Variants in AFG1L observed in about 807,000 individuals in gnomAD.
The protein encoded by AFG1L is AFG1-like ATPase.
Under a neutral mutation model 62.2 loss-of-function variants are expected in AFG1L, and 53 were observed. The observed-to-expected ratio is 0.85, with a 90% CI of 0.68 to 1.07. AFG1L has a LOEUF of 1.07. Among genes scored for constraint, AFG1L ranks in the 50% least tolerant of loss-of-function variants. The pLI is 0.00. For missense variants in AFG1L, 555 were observed against 590.5 expected (o/e 0.94, Z 0.62); for synonymous variants, 228 against 210.3 (o/e 1.08, Z -0.73).
At chr6:108,424,884 G>T (rs1770745775) in intron 7 of AFG1L, among the ~76,000 whole-genome samples, 1 of 151,930 alleles carries the variant, frequency 6.6e-6, no homozygotes, top group African/African-American at 2.4e-5. Flanking sequence ...TTTGCCTTTT[G>T]TTTTCTTTAT....
intron 2 of AFG1L, among the ~76,000 whole-genome samples, chr6:108,326,252 T>C (rs1189821849): frequency 1.3e-5 from 2 of 152,126 alleles, no homozygotes; most frequent in Non-Finnish European, 1.5e-5. Context: ...TTTAATTTTT[T>C]TGTAGAGACA....
At chr6:108,363,349 T>C (rs532122728) in intron 5 of AFG1L, among the ~76,000 whole-genome samples, 2 of 152,142 alleles carry the variant, frequency 1.3e-5, no homozygotes, top group Non-Finnish European at 2.9e-5. Flanking sequence ...CCAATAGTTC[T>C]TTTTTCTGCT....
intron 8 of AFG1L, among the ~76,000 whole-genome samples, chr6:108,465,009 A>AGT (rs1772610606): frequency 6.6e-6 from 1 of 152,300 alleles, no homozygotes; most frequent in South Asian, 2.1e-4. Flanking sequence ...ATCCTTACTC[A>AGT]GTGTCTGTCT....
chr6:108,432,738 T>C (rs577928773), intron 7 of AFG1L, among the ~76,000 whole-genome samples: 1 of 152,206 alleles, frequency 6.6e-6, no homozygotes, highest in East Asian at 1.9e-4. Flanking sequence ...TCCTGGCCCA[T>C]TGGGATTACC....
chr6:108,304,542 G>A (rs931544045), intron 1 of AFG1L, among the ~76,000 whole-genome samples: 3 of 152,172 alleles, frequency 2.0e-5, no homozygotes, highest in African/African-American at 7.2e-5. Flanking sequence ...TGTGAACACA[G>A]TATTTAAATG....
chr6:108,493,657 G>A (rs1025150332), intron 10 of AFG1L, among the ~76,000 whole-genome samples: 1 of 152,168 alleles, frequency 6.6e-6, no homozygotes, highest in African/African-American at 2.4e-5. Context: ...TAATTAGCAA[G>A]GTATAGTCTG....
intron 8 of AFG1L, among the ~76,000 whole-genome samples, chr6:108,462,970 G>T (rs1772518266): frequency 6.6e-6 from 1 of 152,174 alleles, no homozygotes; most frequent in South Asian, 2.1e-4. Context: ...TTAGTTATTT[G>T]CTGTGTTCAT....
intron 5 of AFG1L, among the ~76,000 whole-genome samples, chr6:108,358,348 C>T (rs960532740): frequency 6.6e-6 from 1 of 152,132 alleles, no homozygotes; most frequent in African/African-American, 2.4e-5. Context: ...GTAAAATGAT[C>T]CGTAGTTTAC....
chr6:108,391,403 G>A (rs2114594550), intron 6 of AFG1L, among the ~76,000 whole-genome samples: 1 of 152,228 alleles, frequency 6.6e-6, no homozygotes, highest in East Asian at 1.9e-4. Flanking sequence ...ATTTTTTCAT[G>A]TTTGTTGGCC....
At position 108,505,893 on chromosome 6, in the gene AFG1L, A is replaced by G. The variant is rs114589340; in HGVS notation, c.1063-4319A>G. ...GTATCAGAAGGAGAAGAGAAAGGGA[A>G]TGGAGCAGAGGCAATATACATATGT... On this transcript the variant is annotated intron_variant, in intron 10 of 12. Transcript: ENST00000368977. 4.3e-4 allele frequency among the ~76,000 whole-genome samples: 66 copies of G among 152,298 alleles called. 1 individual carries two copies. The highest frequency in any genetic ancestry group is 1.5e-3 in the African/African-American group (63 of 41,568).
intron 2 of AFG1L, among the ~76,000 whole-genome samples, chr6:108,342,516 C>T (rs1031011584): frequency 9.2e-5 from 14 of 152,238 alleles, no homozygotes; most frequent in African/African-American, 3.1e-4. Flanking sequence ...GTAACCCTTC[C>T]TCTCCTTGAA....
intron 1 of AFG1L, among the ~76,000 whole-genome samples, chr6:108,317,024 C>T (rs1266450048): frequency 2.6e-5 from 4 of 152,068 alleles, no homozygotes; most frequent in African/African-American, 9.7e-5. Context: ...TTAAGTCTGT[C>T]TTGGATGCCA....
At chr6:108,431,502 A>G (rs1771070322) in intron 7 of AFG1L, among the ~76,000 whole-genome samples, 1 of 151,758 alleles carries the variant, frequency 6.6e-6, no homozygotes, top group African/African-American at 2.4e-5. Flanking sequence ...AAGATAGAGT[A>G]TGGAAGAAAA....
chr6:108,350,546 T>C (rs188655766), intron 3 of AFG1L, among the ~76,000 whole-genome samples: 159 of 152,334 alleles, frequency 1.0e-3, no homozygotes, highest in Non-Finnish European at 2.0e-3. Flanking sequence ...GGGATTATTA[T>C]CATGGTTCAA....
At chr6:108,484,637 G>A (rs968869582) in intron 10 of AFG1L, among the ~76,000 whole-genome samples, 1 of 152,138 alleles carries the variant, frequency 6.6e-6, no homozygotes, top group African/African-American at 2.4e-5. Context: ...GTTCAGATAG[G>A]TGCAAAATTT....
rs577824729 is a variant in AFG1L at position 108,359,514 on chromosome 6, C to T, written c.648+2694C>T. 1.2e-4 allele frequency: 19 copies of T among 152,322 alleles called. 1 individual carries two copies. Among genetic ancestry groups the T allele is most frequent in the Admixed American group, 1.2e-3 (18 of 15,292 alleles). The allele number at this position is 152,322 out of a possible 1,614,324, so 9.4% of individuals were successfully genotyped here. ...TGTCCAGATTGCTTTGATATTTATT[C>T]ATTCATTGACTTATTCATCTCAAGG... On this transcript the variant is annotated intron_variant, in intron 5 of 12. Transcript: ENST00000368977.
At chr6:108,326,046 G>A (rs55735408) in intron 2 of AFG1L, among the ~76,000 whole-genome samples, 13,324 of 152,160 alleles carry the variant, frequency 0.088, 794 homozygotes, top group South Asian at 0.18. Context: ...CAAAGTGCTG[G>A]GATTACAGAC....
chr6:108,401,133 A>ATTTTTTTTTTTTTT (rs1198525387), intron 6 of AFG1L, among the ~76,000 whole-genome samples: 1 of 119,640 alleles, frequency 8.4e-6, no homozygotes, highest in Non-Finnish European at 1.7e-5. Context: ...TGCCTGGCTA[A>ATTTTTTTTTTTTTT]TTTTTTTTTT....
chr6:108,355,918 T>C (rs983435856), intron 4 of AFG1L, among the ~76,000 whole-genome samples, 163 bp downstream of exon 4: 2 of 152,220 alleles, frequency 1.3e-5, no homozygotes, highest in African/African-American at 4.8e-5. Flanking sequence ...GTCAGTAATG[T>C]GTCCAGAGTT....
Sources: gnomAD v4.1 joint callset for allele counts (sites outside exome capture counted in the v4.1 genomes callset) on GRCh38, gnomAD v4.1.1 for gene constraint, MANE v1.5 for transcripts, NCBI Gene and HGNC (gene_info 2026-07-23, HGNC 2026-07-21) for gene names.